CLPTM1: variants seen among roughly 807,000 people sequenced by gnomAD.
CLPTM1 encodes putative lipid scramblase CLPTM1.
A neutral mutation model predicts 77.3 loss-of-function variants in CLPTM1; 21 were observed. The ratio of observed to expected loss-of-function variants is 0.27; its 90% CI spans 0.19 to 0.39. The LOEUF (loss-of-function observed/expected upper bound fraction) is 0.39. CLPTM1 is among the 10% of genes least tolerant of loss of function. The pLI, the probability that CLPTM1 is intolerant of heterozygous loss-of-function variation, is 1.00. For missense variants in CLPTM1, 642 were observed against 921.2 expected, an observed-to-expected ratio of 0.70 and a Z score of 3.92; for synonymous variants, 373 against 381.0, an observed-to-expected ratio of 0.98 and a Z score of 0.24.
At chr19:44,954,866 T>G, upstream of CLPTM1, 1 of 1,204,568 alleles carries the variant, frequency 8.3e-7, no homozygotes, top group Non-Finnish European at 1.1e-6. Context: ...AACGAAAGAG[T>G]TGTCTTAGGA....
chr19:44,980,047 G>T (rs543963530), intron 5 of CLPTM1, among the ~76,000 whole-genome samples: 1 of 152,288 alleles, frequency 6.6e-6, no homozygotes, highest in East Asian at 1.9e-4. Context: ...TTCACAGTCA[G>T]TCTGGTCTGT....
chr19:44,993,033 C>A lies in CLPTM1; in HGVS notation c.*136C>A, dbSNP rs1280593659. The A allele has an allele frequency of 1.8e-6, 2 of 1,141,158 alleles. No individual in the cohort carries two copies. The highest frequency in any genetic ancestry group is 5.0e-5 in the East Asian group (2 of 39,954). 70.7% of individuals were successfully genotyped at this position (1,141,158 alleles called of 1,614,324 possible). A position where few individuals can be genotyped will look rare whatever the true frequency, so the allele number is the denominator to read the frequency against. On this transcript the variant is annotated 3_prime_UTR_variant, in exon 14 of 14. Transcript: ENST00000337392. ...GTGGGAGGCCCGCCTCAGGTCAGGG[C>A]CCAGCGTGTGATGTAGGGGCCGGGG...
At chr19:44,959,183 A>G (rs570695935) in intron 1 of CLPTM1, among the ~76,000 whole-genome samples, 34 of 150,068 alleles carry the variant, frequency 2.3e-4, no homozygotes, top group Non-Finnish European at 4.7e-4. Context: ...TGCTATGAAC[A>G]TTCATGTACA....
Position 44,993,145 on chromosome 19 carries a change from T to C in CLPTM1, c.*248T>C. On this transcript the variant is annotated 3_prime_UTR_variant, in exon 14 of 14. Transcript: ENST00000337392. ...TCTCGCCCTGCCAGCCCAGCACCAC[T>C]GGGAATCATGGTGAAGCTGATGCAG... 2.2e-6 allele frequency: 1 copy of C among 446,088 alleles called. No individual in the cohort carries two copies. The allele number at this position is 446,088 out of a possible 1,614,324, so 27.6% of individuals were successfully genotyped here.
Position 44,972,471 on chromosome 19 carries a change from A to T in CLPTM1, c.186-616A>T, listed in dbSNP as rs1051922234. On this transcript the variant is annotated intron_variant, in intron 2 of 13. Coordinates refer to ENST00000337392, the MANE Select transcript of CLPTM1 (RefSeq NM_001294.4). Reference sequence around the variant, plus strand: ...TCACCATGTTAGCCAGGATGGTCTCAATCTCCTGACCTCGTGATCCGCCCG... The same window carrying T: ...TCACCATGTTAGCCAGGATGGTCTCTATCTCCTGACCTCGTGATCCGCCCG... 2.6e-5 allele frequency among the ~76,000 whole-genome samples: 4 copies of T among 151,762 alleles called. No homozygotes were observed. In the East Asian group the frequency reaches 5.8e-4, roughly 22 times the overall value.
chr19:44,992,759 A>C lies in CLPTM1; in HGVS notation c.1872A>C (p.Thr624=). 6.2e-7 allele frequency: 1 copy of C among 1,612,268 alleles called. No individual in the cohort carries two copies. The highest frequency in any genetic ancestry group is 1.3e-5 in the African/African-American group (1 of 74,914). The stretch of plus-strand genomic sequence containing the variant: ...CAGCAGCAGGGGCCCTCACGCCCAC[A>C]CCTGCACCCACCACGACCACCGCCA... ...VPTAAGALTP[T]PAPTTTTATR... Residue 624 remains threonine, a synonymous_variant, in exon 14 of 14, where the codon ACA becomes ACC. Coordinates refer to ENST00000337392, the MANE Select transcript of CLPTM1 (RefSeq NM_001294.4). The surrounding 1 kb of genome is among the most constrained non-coding windows in gnomAD (Gnocchi z 7.7).
chr19:44,954,966 G>A (rs1021029304), upstream of CLPTM1: 5 of 1,534,076 alleles, frequency 3.3e-6, no homozygotes, highest in African/African-American at 4.1e-5. Context: ...ACGAAAGAGG[G>A]GCGTGGTTCG....
chr19:44,954,850 G>A (rs1015934790), upstream of CLPTM1: 4 of 1,196,952 alleles, frequency 3.3e-6, no homozygotes, highest in Admixed American at 5.6e-5. Context: ...GAGCTCAGGA[G>A]ACTTGAACGA....
rs775182624 is a variant in CLPTM1, at chr19:44,992,509, G to T, written c.1724-102G>T. The T allele has an allele frequency of 6.9e-6, 11 of 1,590,032 alleles. No individual in the cohort carries two copies. The South Asian group carries it at 1.2e-4, about 18-fold the overall frequency. On this transcript the variant is annotated intron_variant, in intron 13 of 13. Coordinates refer to ENST00000337392, the MANE Select transcript of CLPTM1 (RefSeq NM_001294.4). The surrounding 1 kb of genome is among the most constrained non-coding windows in gnomAD (Gnocchi z 7.7). ...CGGCCCCAGATGGGGTGCTCAGTCT[G>T]AGGGGGCTCGGCCCCGCCCTTGCAT...
chr19:44,965,216 C>T (rs1600014496), intron 2 of CLPTM1, among the ~76,000 whole-genome samples: 1 of 152,226 alleles, frequency 6.6e-6, no homozygotes, highest in African/African-American at 2.4e-5. Flanking sequence ...CAACAATCAT[C>T]CCGCCAGGTG....
At chr19:44,977,499 A>ATGCT in intron 5 of CLPTM1, 39 bp downstream of exon 5, 2 of 1,469,922 alleles carry the variant, frequency 1.4e-6, no homozygotes, top group Non-Finnish European at 1.9e-6. Context: ...ACTGTCCAGG[A>ATGCT]GGCCAGCATC....
At chr19:44,975,565 TG>T (rs1970793429) in intron 4 of CLPTM1, among the ~76,000 whole-genome samples, 1 of 151,900 alleles carries the variant, frequency 6.6e-6, no homozygotes, top group Non-Finnish European at 1.5e-5. Flanking sequence ...TTTTTTTTTT[TG>T]TTTTTTGTTT....
chr19:44,971,452 CACTT>C (rs1412972296), intron 2 of CLPTM1, among the ~76,000 whole-genome samples: 1 of 152,128 alleles, frequency 6.6e-6, no homozygotes, highest in Admixed American at 6.6e-5. Flanking sequence ...ACTAACGTAT[CACTT>C]ACTATCTGCT....
At chr19:44,955,609 G>C in intron 1 of CLPTM1, 142 bp downstream of exon 1, 1 of 792,874 alleles carries the variant, frequency 1.3e-6, no homozygotes. Context: ...CCCAGGCAGG[G>C]CCGGACCGCC....
At chr19:44,971,861 A>G (rs1057367011) in intron 2 of CLPTM1, among the ~76,000 whole-genome samples, 2 of 125,702 alleles carry the variant, frequency 1.6e-5, no homozygotes, top group African/African-American at 5.8e-5. Context: ...ACCTGACCCA[A>G]TTATACTTTT....
intron 2 of CLPTM1, among the ~76,000 whole-genome samples, chr19:44,968,811 A>T (rs1970674647): frequency 1.3e-5 from 2 of 152,198 alleles, no homozygotes; most frequent in Admixed American, 1.3e-4. Flanking sequence ...GTTTACTAAA[A>T]TGAGAGCCTC....
Position 44,968,578 on chromosome 19 carries a change from G to C in CLPTM1, c.186-4509G>C, listed in dbSNP as rs764345262. 8.1e-4 allele frequency among the ~76,000 whole-genome samples: 124 copies of C among 152,194 alleles called. 6 individuals are homozygous for C. Among genetic ancestry groups the C allele is most frequent in the Non-Finnish European group, 4.1e-4 (28 of 68,030 alleles). On this transcript the variant is annotated intron_variant, in intron 2 of 13. Coordinates refer to ENST00000337392, the MANE Select transcript of CLPTM1 (RefSeq NM_001294.4). ...GCAGGCCTGGGTGCATGGATGAGGGGCCATGGCCATGAGCCCTCTGAGAGG... is the reference window on the plus strand; with the variant it reads ...GCAGGCCTGGGTGCATGGATGAGGGCCCATGGCCATGAGCCCTCTGAGAGG...
Position 44,990,459 on chromosome 19 carries a change from C to T in CLPTM1, c.1197C>T (p.Gly399=), listed in dbSNP as rs1377399020. 5.0e-6 allele frequency: 8 copies of T among 1,613,988 alleles called. No homozygotes were observed. Among genetic ancestry groups the T allele is most frequent in the East Asian group, 2.2e-5 (1 of 44,890 alleles). The change falls in exon 10 of 14, where the codon GGC becomes GGT. Residue 399 remains glycine (G), a synonymous_variant. Coordinates refer to ENST00000337392, the MANE Select transcript of CLPTM1 (RefSeq NM_001294.4). This position sits in a 1 kb window ranked among gnomAD's most constrained non-coding sequence, Gnocchi z 4.8. ...TGTCCGTGCGCTCCGTCTTCTTCGGCGTTTTCCAGTCATTCGTGGTCCTCC... is the reference window on the plus strand; with the variant it reads ...TGTCCGTGCGCTCCGTCTTCTTCGGTGTTTTCCAGTCATTCGTGGTCCTCC... ...EGLSVRSVFF[G]VFQSFVVLLY...
At chr19:44,975,028 A>G (rs79818953) in intron 4 of CLPTM1, among the ~76,000 whole-genome samples, 1,720 of 147,938 alleles carry the variant, frequency 0.012, 30 homozygotes, top group African/African-American at 0.04. Flanking sequence ...AGGAACTGTT[A>G]TTATTCTCAT....
Sources: gnomAD v4.1 joint callset for allele counts (sites outside exome capture counted in the v4.1 genomes callset) on GRCh38, gnomAD v4.1.1 for gene constraint, Gnocchi (gnomAD v3.1) non-coding constraint, MANE v1.5 for transcripts, NCBI Gene and HGNC (gene_info 2026-07-23, HGNC 2026-07-21) for gene names.